The following IL1RAPL2 variants were observed in gnomAD, a reference collection of about 807,000 sequenced individuals.
IL1RAPL2 encodes the protein interleukin 1 receptor accessory protein like 2, also known as X-linked interleukin-1 receptor accessory protein-like 2.
A neutral mutation model predicts 44.1 loss-of-function variants in IL1RAPL2; 3 were observed. The ratio of observed to expected loss-of-function variants is 0.07; its 90% confidence interval spans 0.03 to 0.18. The LOEUF (loss-of-function observed/expected upper bound fraction) is 0.18. Ranked by LOEUF, IL1RAPL2 falls within the 10% of genes least tolerant of loss-of-function variation. IL1RAPL2 has a pLI of 1.00. For synonymous variants in IL1RAPL2, 181 were observed against 178.8 expected (o/e 1.01, Z -0.10); for missense variants, 391 against 496.4 (o/e 0.79, Z 2.02).
intron 2 of IL1RAPL2, among the ~76,000 whole-genome samples, chrX:105,031,655 A>C (rs181657238): frequency 8.9e-6 from 1 of 111,802 alleles, no homozygotes; most frequent in African/African-American, 3.2e-5. Context: ...CCAGTATTTT[A>C]TTGAGGATTT....
At chrX:105,624,519 C>T in intron 6 of IL1RAPL2, among the ~76,000 whole-genome samples, 1 of 111,502 alleles carries the variant, frequency 9.0e-6, no homozygotes, top group Non-Finnish European at 1.9e-5. Flanking sequence ...TTTGTGCCCT[C>T]GCATCTTCCC....
chrX:105,045,160 G>T (rs1262056293), intron 2 of IL1RAPL2, among the ~76,000 whole-genome samples: 1 of 111,076 alleles, frequency 9.0e-6, no homozygotes, highest in Non-Finnish European at 1.9e-5. Flanking sequence ...ATGAGCTCCA[G>T]AAAAATTAAA....
intron 2 of IL1RAPL2, among the ~76,000 whole-genome samples, chrX:104,725,561 T>C (rs1224622364): frequency 2.7e-5 from 3 of 112,114 alleles, no homozygotes; most frequent in African/African-American, 9.7e-5. Flanking sequence ...TCCTGACTTT[T>C]TAAAGATTGC....
chrX:104,761,034 T>C (rs2147589638), intron 2 of IL1RAPL2, among the ~76,000 whole-genome samples: 1 of 111,833 alleles, frequency 8.9e-6, no homozygotes, highest in Non-Finnish European at 1.9e-5. Context: ...ATCGAAGAGA[T>C]TGCCTTTTCC....
chrX:105,120,987 T>C (rs2032919208), intron 2 of IL1RAPL2, among the ~76,000 whole-genome samples: 1 of 111,646 alleles, frequency 9.0e-6, no homozygotes, highest in African/African-American at 3.3e-5. Flanking sequence ...AAAAGATGGA[T>C]GCTGCCTTCT....
intron 2 of IL1RAPL2, among the ~76,000 whole-genome samples, chrX:104,862,672 C>A (rs760615064): frequency 1.8e-5 from 2 of 111,440 alleles, no homozygotes; most frequent in East Asian, 5.6e-4. Flanking sequence ...GTTATGGTGA[C>A]CCTAACAAAT....
At chrX:104,707,905 A>T (rs1931388602) in intron 2 of IL1RAPL2, among the ~76,000 whole-genome samples, 1 of 111,404 alleles carries the variant, frequency 9.0e-6, no homozygotes, top group Admixed American at 9.6e-5. Context: ...CAGTAGTGCA[A>T]ATGTTAACAA....
intron 1 of IL1RAPL2, among the ~76,000 whole-genome samples, chrX:104,578,678 A>G (rs1928286319): frequency 9.0e-6 from 1 of 111,397 alleles, no homozygotes; most frequent in African/African-American, 3.3e-5. Context: ...CAACTTATTG[A>G]GATTTTCAGC....
intron 5 of IL1RAPL2, among the ~76,000 whole-genome samples, chrX:105,341,106 T>A (rs1257704063): frequency 5.4e-5 from 6 of 111,668 alleles, no homozygotes; most frequent in Non-Finnish European, 7.5e-5. Flanking sequence ...AACACAGACT[T>A]TTTTGTTCCC....
At chrX:104,822,091 G>GT (rs780756602) in intron 2 of IL1RAPL2, among the ~76,000 whole-genome samples, 2 of 111,320 alleles carry the variant, frequency 1.8e-5, no homozygotes, top group East Asian at 2.8e-4. Context: ...CTGATGGGGT[G>GT]TTTTTTTGTT....
At chrX:105,490,501 C>T (rs1016424188) in intron 6 of IL1RAPL2, among the ~76,000 whole-genome samples, 3 of 111,672 alleles carry the variant, frequency 2.7e-5, no homozygotes, top group African/African-American at 9.8e-5. Flanking sequence ...CATCAGAAAT[C>T]GATTTCCCTA....
chrX:105,001,927 A>T (rs1466886976), intron 2 of IL1RAPL2, among the ~76,000 whole-genome samples: 2 of 111,284 alleles, frequency 1.8e-5, no homozygotes, highest in African/African-American at 6.5e-5. Context: ...AAGTGAGGGT[A>T]CTTCTGAAGT....
At chrX:105,529,021 A>G in intron 6 of IL1RAPL2, among the ~76,000 whole-genome samples, 1 of 111,767 alleles carries the variant, frequency 8.9e-6, no homozygotes, top group Non-Finnish European at 1.9e-5. Context: ...AAATTTGTAT[A>G]AATTCAAGGT....
At chrX:104,800,279 T>A (rs1162681112) in intron 2 of IL1RAPL2, among the ~76,000 whole-genome samples, 1 of 110,889 alleles carries the variant, frequency 9.0e-6, no homozygotes, top group Non-Finnish European at 1.9e-5. Context: ...CTATTTCTTG[T>A]ACAGTGGGAG....
At chrX:105,281,952 G>C (rs2034535923) in intron 5 of IL1RAPL2, among the ~76,000 whole-genome samples, 1 of 110,816 alleles carries the variant, frequency 9.0e-6, no homozygotes, top group Non-Finnish European at 1.9e-5. Flanking sequence ...AATTGCTGTT[G>C]TTAATAGGGT....
At position 105,099,874 on chromosome X, in the gene IL1RAPL2, C is replaced by T. The variant is rs138971492; in HGVS notation, c.83-95601C>T. On this transcript the variant is annotated intron_variant, in intron 2 of 10. Transcript: ENST00000372582. ...CCCCCATGACCCAAACACCTCCTAC[C>T]AGGTCCTACCTCCAATATTGGGGAT... Among the ~76,000 whole-genome samples, 51 of 110,471 alleles carry T rather than the reference C, an allele frequency of 4.6e-4. No individual in the cohort carries two copies. The East Asian group carries it at 0.015, about 31-fold the overall frequency.
intron 2 of IL1RAPL2, among the ~76,000 whole-genome samples, chrX:105,110,326 T>C (rs1293562335): frequency 8.9e-6 from 1 of 112,389 alleles, no homozygotes; most frequent in African/African-American, 3.2e-5. Flanking sequence ...GCGGAAAATT[T>C]TGGATTGGCC....
intron 6 of IL1RAPL2, among the ~76,000 whole-genome samples, chrX:105,501,640 A>AACAACAACC (rs1315279539): frequency 9.0e-6 from 1 of 111,146 alleles, no homozygotes; most frequent in East Asian, 2.8e-4. Context: ...CAACAACAAC[A>AACAACAACC]ACAACAACGA....
intron 5 of IL1RAPL2, among the ~76,000 whole-genome samples, chrX:105,339,924 A>C (rs2035057802): frequency 8.9e-6 from 1 of 112,214 alleles, no homozygotes. Context: ...AAGCAGTAAT[A>C]AATGTGATTA....
Sources: gnomAD v4.1 joint callset for allele counts (sites outside exome capture counted in the v4.1 genomes callset) on GRCh38, gnomAD v4.1.1 for gene constraint, MANE v1.5 for transcripts, NCBI Gene and HGNC (gene_info 2026-07-23, HGNC 2026-07-21) for gene names.